Variants in HS2ST1 observed in about 807,000 individuals in gnomAD.
HS2ST1 encodes heparan sulfate 2-O-sulfotransferase 1, also known as 2-O-sulfotransferase.
Under a neutral mutation model 42.9 loss-of-function variants are expected in HS2ST1, and 18 were observed. The observed-to-expected ratio is 0.42, with a 90% confidence interval of 0.29 to 0.62. The LOEUF is 0.62. HS2ST1 is among the 20% of genes least tolerant of loss of function. HS2ST1 has a pLI of 0.21. For missense variants in HS2ST1, 334 were observed against 433.8 expected (o/e 0.77, Z 2.04); for synonymous variants, 146 against 152.9 (o/e 0.95, Z 0.33).
At chr1:87,025,511 A>G (rs138975850) in intron 1 of HS2ST1, among the ~76,000 whole-genome samples, 19 of 152,362 alleles carry the variant, frequency 1.2e-4, no homozygotes, top group Non-Finnish European at 2.2e-4. Context: ...ATTTGGAATT[A>G]AGACACAATA....
At chr1:87,006,756 G>A (rs1649449069) in intron 1 of HS2ST1, among the ~76,000 whole-genome samples, 1 of 151,974 alleles carries the variant, frequency 6.6e-6, no homozygotes, top group African/African-American at 2.4e-5. Flanking sequence ...ATATAAACAT[G>A]CTATGATTAA....
chr1:86,935,251 C>G (rs964904108), intron 1 of HS2ST1, among the ~76,000 whole-genome samples: 3 of 151,488 alleles, frequency 2.0e-5, no homozygotes, highest in African/African-American at 7.3e-5. Context: ...TCTTGCTTTA[C>G]TTTCCTATTT....
chr1:87,081,535 A>C (rs1651688061), intron 2 of HS2ST1, among the ~76,000 whole-genome samples: 1 of 152,198 alleles, frequency 6.6e-6, no homozygotes, highest in Admixed American at 6.5e-5. Flanking sequence ...ATACAGCAAA[A>C]TCTGTGCTAA....
chr1:87,046,117 T>C, intron 1 of HS2ST1: 1 of 685,026 alleles, frequency 1.5e-6, no homozygotes, highest in Non-Finnish European at 2.8e-6. Context: ...CAGTTTATAT[T>C]GGTTATGAAT....
rs529900213 is a variant in HS2ST1, at chr1:86,977,507, A to G, written c.124+62347A>G. 2.6e-5 allele frequency among the ~76,000 whole-genome samples: 4 copies of G among 152,348 alleles called. No individual in the cohort carries two copies. The South Asian group carries it at 8.3e-4, about 32-fold the overall frequency. ...CTGCATATTTGTAATGTCATATGCT[A>G]AAATAATGTGACTATTGTGACATTT... On this transcript the variant is annotated intron_variant, in intron 1 of 6. Transcript: ENST00000370550.
At chr1:86,997,197 TG>T (rs1649127536) in intron 1 of HS2ST1, among the ~76,000 whole-genome samples, 1 of 152,044 alleles carries the variant, frequency 6.6e-6, no homozygotes. Context: ...GGCCTAATCG[TG>T]GGGGTTGGGG....
At chr1:86,966,961 A>G (rs527604427) in intron 1 of HS2ST1, among the ~76,000 whole-genome samples, 1 of 151,064 alleles carries the variant, frequency 6.6e-6, no homozygotes, top group South Asian at 2.1e-4. Context: ...GTGCGATCTC[A>G]GCTCACTGCA....
chr1:86,956,277 T>C (rs1387386538), intron 1 of HS2ST1, among the ~76,000 whole-genome samples: 2 of 152,220 alleles, frequency 1.3e-5, no homozygotes, highest in African/African-American at 4.8e-5. Flanking sequence ...AAAGATTTCC[T>C]TTTGATTCCA....
At chr1:87,044,486 A>G (rs996448178) in intron 1 of HS2ST1, among the ~76,000 whole-genome samples, 1 of 152,226 alleles carries the variant, frequency 6.6e-6, no homozygotes, top group South Asian at 2.1e-4. Context: ...AAGTTTCAAT[A>G]CATAGCATTT....
At chr1:86,915,410 T>G (rs1570417256) in intron 1 of HS2ST1, among the ~76,000 whole-genome samples, 1 of 151,962 alleles carries the variant, frequency 6.6e-6, no homozygotes, top group South Asian at 2.1e-4. Context: ...AGCCAAAGGG[T>G]AGCCCCGAAG....
chr1:87,009,403 G>A (rs187914736), intron 1 of HS2ST1, among the ~76,000 whole-genome samples: 16 of 152,250 alleles, frequency 1.1e-4, no homozygotes, highest in Admixed American at 9.2e-4. Flanking sequence ...TGTTATTTAT[G>A]GTAGTTCCCT....
At chr1:87,013,568 C>T (rs569665562) in intron 1 of HS2ST1, among the ~76,000 whole-genome samples, 5 of 152,362 alleles carry the variant, frequency 3.3e-5, no homozygotes, top group Non-Finnish European at 5.9e-5. Flanking sequence ...AGACATTTTC[C>T]TCATTGTCTT....
chr1:86,984,582 A>T (rs565628691), intron 1 of HS2ST1, among the ~76,000 whole-genome samples: 71 of 152,200 alleles, frequency 4.7e-4, no homozygotes, highest in African/African-American at 1.7e-3. Context: ...CTTGTGATTT[A>T]AATGTTTAAA....
At chr1:87,059,771 G>A (rs796946133) in intron 1 of HS2ST1, among the ~76,000 whole-genome samples, 4 of 152,254 alleles carry the variant, frequency 2.6e-5, no homozygotes, top group African/African-American at 9.6e-5. Context: ...AAATGCTCTG[G>A]GAGTTTCATT....
At chr1:86,924,745 G>T (rs1010552594) in intron 1 of HS2ST1, among the ~76,000 whole-genome samples, 1 of 152,154 alleles carries the variant, frequency 6.6e-6, no homozygotes, top group South Asian at 2.1e-4. Context: ...ATAGCACGGG[G>T]ACCCTGGGCC....
chr1:86,916,864 C>T (rs978084062), intron 1 of HS2ST1, among the ~76,000 whole-genome samples: 4 of 152,176 alleles, frequency 2.6e-5, no homozygotes, highest in Non-Finnish European at 5.9e-5. Flanking sequence ...ATTTCTTAGA[C>T]ACGTTACAGT....
intron 1 of HS2ST1, among the ~76,000 whole-genome samples, chr1:86,993,278 G>T (rs536370831): frequency 3.3e-5 from 5 of 152,098 alleles, no homozygotes; most frequent in Middle Eastern, 3.4e-3. Flanking sequence ...TGGCAGGGGG[G>T]TACCCCATAT....
In HS2ST1 at chr1:87,104,655, CAA is replaced by C. The variant is rs1652291177; in HGVS notation, c.1033_1034del (p.Asn345LeufsTer4). The C allele has an allele frequency of 6.2e-7, 1 of 1,613,108 alleles. No individual in the cohort carries two copies. Among genetic ancestry groups the C allele is most frequent in the African/African-American group, 1.3e-5 (1 of 74,894 alleles). On this transcript the variant is annotated frameshift_variant, in exon 7 of 7. Coordinates refer to ENST00000370550, the MANE Select transcript of HS2ST1 (RefSeq NM_012262.4). LOFTEE classifies it high-confidence loss of function. ...AGATGGAGACCTCTACATCCTCGCA[CAA>C]AACTTTTTCTATGAAAAGATTTACC... is the stretch of plus-strand genomic sequence containing the variant. ...EKDGDLYILA[Q>X]NFFYEKIYPK...
At chr1:87,060,925 A>C (rs1229753135) in intron 1 of HS2ST1, among the ~76,000 whole-genome samples, 1 of 152,150 alleles carries the variant, frequency 6.6e-6, no homozygotes, top group East Asian at 1.9e-4. Context: ...CTAATAGATC[A>C]TCTCAGGAGC....
Sources: allele counts gnomAD v4.1 joint callset (sites outside exome capture counted in the v4.1 genomes callset), GRCh38; gene constraint gnomAD v4.1.1; transcripts MANE v1.5; gene names NCBI Gene and HGNC (gene_info 2026-07-23, HGNC 2026-07-21).